Variants in PIK3C2G observed in about 807,000 individuals in gnomAD.
The protein encoded by PIK3C2G is phosphatidylinositol 3-kinase C2 domain-containing subunit gamma.
A neutral mutation model predicts 181.1 loss-of-function variants in PIK3C2G; 168 were observed. That is an observed-to-expected ratio of 0.93 (90% CI 0.82 to 1.05). The LOEUF (loss-of-function observed/expected upper bound fraction) is 1.05. Among genes scored for constraint, PIK3C2G ranks in the 50% least tolerant of loss-of-function variants. The pLI is 0.00. For synonymous variants in PIK3C2G, 573 were observed against 592.2 expected, an observed-to-expected ratio of 0.97 and a Z score of 0.47; for missense variants, 1,869 against 1,732.8, an observed-to-expected ratio of 1.08 and a Z score of -1.40.
At chr12:18,625,590 G>T (rs1055036532) in intron 31 of PIK3C2G, among the ~76,000 whole-genome samples, 3 of 151,690 alleles carry the variant, frequency 2.0e-5, no homozygotes, top group African/African-American at 7.2e-5. Context: ...TTTCTGTATG[G>T]ATGATCTGTC....
intron 31 of PIK3C2G, among the ~76,000 whole-genome samples, chr12:18,623,278 C>G (rs1258921303): frequency 6.6e-6 from 1 of 151,596 alleles, no homozygotes; most frequent in Non-Finnish European, 1.5e-5. Flanking sequence ...CCAATTTTTC[C>G]AACACCATTA....
upstream of PIK3C2G, among the ~76,000 whole-genome samples, chr12:18,245,797 T>C (rs1231197298): frequency 6.6e-6 from 1 of 152,150 alleles, no homozygotes. Flanking sequence ...AAAATATTTA[T>C]TGTAAGTTTT....
chr12:18,451,204 A>G lies in PIK3C2G; in HGVS notation c.2504+27165A>G, dbSNP rs550744764. Among the ~76,000 whole-genome samples the G allele has an allele frequency of 4.7e-4, 71 of 152,312 alleles. No homozygotes were observed. In the South Asian group the frequency reaches 8.3e-3, roughly 18 times the overall value. ...TTCACGATATTGATTTTTCCTATCC[A>G]TGAGCATGGAATTTCATTCCATTTG... is the stretch of plus-strand genomic sequence containing the variant. On this transcript the variant is annotated intron_variant, in intron 18 of 32. Coordinates refer to ENST00000538779, the MANE Select transcript of PIK3C2G (RefSeq NM_001288772.2).
upstream of PIK3C2G, among the ~76,000 whole-genome samples, chr12:18,260,017 A>G (rs1438642275): frequency 6.6e-6 from 1 of 152,176 alleles, no homozygotes; most frequent in African/African-American, 2.4e-5. Context: ...ATTGAAGAAC[A>G]TATTTTCAAA....
chr12:18,656,266 CA>C, the PIK3C2G span, among the ~76,000 whole-genome samples: 1 of 151,908 alleles, frequency 6.6e-6, no homozygotes, highest in South Asian at 2.1e-4. Flanking sequence ...CTGTCTATAC[CA>C]AAAAAGCATT....
intron 18 of PIK3C2G, among the ~76,000 whole-genome samples, chr12:18,469,383 TG>T (rs1011666058): frequency 3.3e-5 from 5 of 152,110 alleles, no homozygotes; most frequent in Non-Finnish European, 7.4e-5. Context: ...GAACCCCTGC[TG>T]GGGGGAAAAT....
At chr12:18,292,806 G>C (rs1001194814) in intron 4 of PIK3C2G, among the ~76,000 whole-genome samples, 13 of 152,174 alleles carry the variant, frequency 8.5e-5, no homozygotes, top group African/African-American at 3.1e-4. Flanking sequence ...ACATGGGAAA[G>C]GAAGAAGAAC....
At chr12:18,534,995 A>G in intron 24 of PIK3C2G, among the ~76,000 whole-genome samples, 1 of 152,226 alleles carries the variant, frequency 6.6e-6, no homozygotes, top group South Asian at 2.1e-4. Context: ...ATAATTCAAA[A>G]TATAATCACA....
chr12:18,393,639 T>C (rs1377952516), intron 15 of PIK3C2G, among the ~76,000 whole-genome samples: 1 of 152,150 alleles, frequency 6.6e-6, no homozygotes, highest in East Asian at 1.9e-4. Flanking sequence ...CTTCTACTTC[T>C]ACCATGAAGA....
chr12:18,377,245 G>T (rs1942512038), intron 13 of PIK3C2G, among the ~76,000 whole-genome samples: 1 of 152,054 alleles, frequency 6.6e-6, no homozygotes, highest in African/African-American at 2.4e-5. Context: ...GAGGAAATGG[G>T]GCCCAAAGAG....
intron 16 of PIK3C2G, among the ~76,000 whole-genome samples, chr12:18,402,286 T>A (rs376460031): frequency 2.0e-5 from 3 of 152,102 alleles, no homozygotes; most frequent in East Asian, 3.9e-4. Context: ...AGACCACATA[T>A]GGTATGATTC....
chr12:18,625,958 T>G (rs1034748296), intron 31 of PIK3C2G, among the ~76,000 whole-genome samples: 1 of 151,856 alleles, frequency 6.6e-6, no homozygotes, highest in African/African-American at 2.4e-5. Context: ...GATCCTGTAT[T>G]TTTTTATCCA....
chr12:18,343,278 T>C, intron 9 of PIK3C2G, 49 bp from the exon 10 acceptor site: 1 of 973,204 alleles, frequency 1.0e-6, no homozygotes, highest in Non-Finnish European at 1.6e-6. Context: ...TTGACTATTT[T>C]GTGAATTTGT....
At chr12:18,420,547 G>C (rs1945424259) in intron 16 of PIK3C2G, among the ~76,000 whole-genome samples, 1 of 152,056 alleles carries the variant, frequency 6.6e-6, no homozygotes, top group East Asian at 1.9e-4. Flanking sequence ...AAAAATATTA[G>C]ATCACATTTT....
the PIK3C2G span, among the ~76,000 whole-genome samples, chr12:18,675,867 G>A: frequency 6.6e-6 from 1 of 152,108 alleles, no homozygotes; most frequent in South Asian, 2.1e-4. Context: ...ACTCAAAAAG[G>A]GAAGGGTGGG....
At chr12:18,310,614 A>G (rs888349202) in intron 5 of PIK3C2G, among the ~76,000 whole-genome samples, 2 of 151,940 alleles carry the variant, frequency 1.3e-5, no homozygotes, top group African/African-American at 4.8e-5. Context: ...AGATTGCAAT[A>G]GAAAAGCTTT....
rs556330721 is a variant in PIK3C2G at position 18,295,456 on chromosome 12, T to C, written c.1034+1441T>C. On this transcript the variant is annotated intron_variant, in intron 5 of 32. Transcript: ENST00000538779. ...AAATATTTGCATTAAGTTTTAGCAG[T>C]AGAAAATGCCATCCAGAAAGCAATT... Among the ~76,000 whole-genome samples the C allele has an allele frequency of 4.1e-4, 63 of 152,130 alleles. 1 individual carries two copies. Among genetic ancestry groups the C allele is most frequent in the Admixed American group, 3.2e-3 (49 of 15,264 alleles).
chr12:18,672,366 T>C, the PIK3C2G span, among the ~76,000 whole-genome samples: 1 of 152,180 alleles, frequency 6.6e-6, no homozygotes, highest in Non-Finnish European at 1.5e-5. Flanking sequence ...TTTAATTGTT[T>C]ACTTTTACTC....
At chr12:18,363,814 G>A (rs1185607507) in intron 12 of PIK3C2G, among the ~76,000 whole-genome samples, 1 of 152,132 alleles carries the variant, frequency 6.6e-6, no homozygotes, top group Admixed American at 6.6e-5. Context: ...TGGAGACTGT[G>A]TCCTGAAACA....
Sources: gnomAD v4.1 joint callset for allele counts (sites outside exome capture counted in the v4.1 genomes callset) on GRCh38, gnomAD v4.1.1 for gene constraint, MANE v1.5 for transcripts, NCBI Gene and HGNC (gene_info 2026-07-23, HGNC 2026-07-21) for gene names.